Variants in TOR4A observed in about 807,000 individuals in gnomAD.
TOR4A encodes the protein torsin-4A.
Under a neutral mutation model 11.5 loss-of-function variants are expected in TOR4A, and 12 were observed. The observed-to-expected ratio is 1.04, with a 90% CI of 0.67 to 1.69. The LOEUF (loss-of-function observed/expected upper bound fraction) is 1.69, where lower values mean the gene tolerates loss of function less well. TOR4A is among the 40% of genes most tolerant of loss of function. The pLI, the probability that TOR4A is intolerant of heterozygous loss-of-function variation, is 0.00. For missense variants in TOR4A, 640 were observed against 643.2 expected, an observed-to-expected ratio of 0.99 and a Z score of 0.05; for synonymous variants, 362 against 307.4, an observed-to-expected ratio of 1.18 and a Z score of -1.86.
chr9:137,278,577 CG>C (rs1317691400), intron 1 of TOR4A, 75 bp from the exon 2 acceptor site: 5 of 1,069,198 alleles, frequency 4.7e-6, no homozygotes, highest in Non-Finnish European at 5.9e-6. Flanking sequence ...AAGATCACTC[CG>C]GGGACCGGTT....
Position 137,279,898 on chromosome 9 carries a change from G to C in TOR4A, c.1209G>C (p.Val403=), listed in dbSNP as rs376593506. The change falls in exon 2 of 2, where the codon GTG becomes GTC. Residue 403 remains valine, a synonymous_variant. Transcript: ENST00000357503. Reference sequence around the variant, plus strand: ...CCGCGCAGCTCAGCTTCTACCGCGTGGCTGGCCGCGAGTTTGCCGTCACCG... The same window carrying C: ...CCGCGCAGCTCAGCTTCTACCGCGTCGCTGGCCGCGAGTTTGCCGTCACCG... The part of the protein sequence containing the change: ...NLAAQLSFYR[V]AGREFAVTGC... 1.5e-4 allele frequency: 231 copies of C among 1,578,682 alleles called. No individual in the cohort carries two copies. Among genetic ancestry groups the C allele is most frequent in the Middle Eastern group, 5.0e-4 (3 of 6,052 alleles).
rs1830718189 is a variant in TOR4A at position 137,281,486 on chromosome 9, T to C, written c.*1525T>C. The C allele has an allele frequency of 6.1e-6, 1 of 162,844 alleles. No individual in the cohort carries two copies. 10.1% of individuals were successfully genotyped at this position (162,844 alleles called of 1,614,324 possible). A position where few individuals can be genotyped will look rare whatever the true frequency, so the allele number is the denominator to read the frequency against. Reference sequence around the variant, plus strand: ...CCCCGCCTCGCATCCATTCTCGCCCTGGTGGTTGGTGTCTGTGGTCGGGGG... The same window carrying C: ...CCCCGCCTCGCATCCATTCTCGCCCCGGTGGTTGGTGTCTGTGGTCGGGGG... On this transcript the variant is annotated 3_prime_UTR_variant, in exon 2 of 2. Transcript: ENST00000357503.
At position 137,279,310 on chromosome 9, in the gene TOR4A, G is replaced by A. The variant is rs1234763243; in HGVS notation, c.621G>A (p.Leu207=). ...GCAAGAGCCACGTGGGCCGCCTGCT[G>A]GCGCGCCACTTCCGCTCGGTGCTGG... ...GVGKSHVGRL[L]ARHFRSVLED... Residue 207 remains leucine, a synonymous_variant, in exon 2 of 2, where the codon CTG becomes CTA. Transcript: ENST00000357503. 4.6e-6 allele frequency: 7 copies of A among 1,534,396 alleles called. No homozygotes were observed. The African/African-American group carries it at 5.5e-5, about 12-fold the overall frequency.
At position 137,279,907 on chromosome 9, in the gene TOR4A, C is replaced by T. The variant is rs1281265663; in HGVS notation, c.1218C>T (p.Arg406=). Residue 406 remains arginine (R), a synonymous_variant, in exon 2 of 2, where the codon CGC becomes CGT. Transcript: ENST00000357503. ...TCAGCTTCTACCGCGTGGCTGGCCG[C>T]GAGTTTGCCGTCACCGGCTGCAAGC... is the stretch of plus-strand genomic sequence containing the variant. The part of the protein sequence containing the change: ...AQLSFYRVAG[R]EFAVTGCKQV... 2.5e-6 allele frequency: 4 copies of T among 1,578,884 alleles called. No individual in the cohort carries two copies. Among genetic ancestry groups the T allele is most frequent in the Admixed American group, 1.8e-5 (1 of 55,496 alleles).
At chr9:137,278,203 TG>T (rs199729252) in intron 1 of TOR4A, among the ~76,000 whole-genome samples, 159 of 152,272 alleles carry the variant, frequency 1.0e-3, no homozygotes, top group African/African-American at 3.7e-3. Context: ...TCTGAACTCC[TG>T]GGCGCTCAGG....
rs964164086 is a variant in TOR4A, at chr9:137,279,126, A to G, written c.437A>G (p.Gln146Arg). 1.8e-5 allele frequency: 28 copies of G among 1,588,894 alleles called. No individual in the cohort carries two copies. The highest frequency in any genetic ancestry group is 2.3e-5 in the Non-Finnish European group (27 of 1,168,082). Residue 146 changes from glutamine (Q) to arginine (R), a missense_variant, in exon 2 of 2, where the codon CAG becomes CGG. By Grantham distance (43) the Gln-to-Arg change is conservative. Coordinates refer to ENST00000357503, the MANE Select transcript of TOR4A (RefSeq NM_017723.3). ...ATCGAGAACCTGGACGATAACGCGCAGCGCTATGACCTCGACGGGCTGGAG... is the reference window on the plus strand; with the variant it reads ...ATCGAGAACCTGGACGATAACGCGCGGCGCTATGACCTCGACGGGCTGGAG... ...NAIENLDDNA[Q>R]RYDLDGLEKA...
In TOR4A at chr9:137,278,643, C is replaced by T. The variant is rs1830673940; in HGVS notation, c.-37-10C>T. Reference sequence around the variant, plus strand: ...GGAGTCCAGAGACCCTCCCCGTCTTCCCGTTGCAGGGAGGGCGACCTGTAT... The same window carrying T: ...GGAGTCCAGAGACCCTCCCCGTCTTTCCGTTGCAGGGAGGGCGACCTGTAT... On this transcript the variant is annotated splice_polypyrimidine_tract_variant and intron_variant, in intron 1 of 1. Transcript: ENST00000357503. The T allele has an allele frequency of 9.4e-6, 12 of 1,280,682 alleles. No homozygotes were observed. The highest frequency in any genetic ancestry group is 1.1e-5 in the Non-Finnish European group (11 of 1,012,776). The allele number at this position is 1,280,682 out of a possible 1,614,324, so 79.3% of individuals were successfully genotyped here.
chr9:137,279,004 C>CTCGCGCAAGTA lies in TOR4A; in HGVS notation c.319_329dup (p.Pro111AlafsTer20). ...GCCGCCTGGTGCTTTACCCGGAGACCTCGCGCAAGTATCGGCCGCGCGTGG... is the reference window on the plus strand; with the variant it reads ...GCCGCCTGGTGCTTTACCCGGAGACCTCGCGCAAGTATCGCGCAAGTATCGGCCGCGCGTGG... On this transcript the variant is annotated frameshift_variant, in exon 2 of 2. Transcript: ENST00000357503. LOFTEE classifies it high-confidence loss of function. The CTCGCGCAAGTA allele has an allele frequency of 6.2e-7, 1 of 1,606,758 alleles. No homozygotes were observed. Among genetic ancestry groups the CTCGCGCAAGTA allele is most frequent in the Non-Finnish European group, 8.5e-7 (1 of 1,177,502 alleles).
rs778539558 is a variant in TOR4A at position 137,279,874 on chromosome 9, C to A, written c.1185C>A (p.Ala395=). Residue 395 remains alanine (A), a synonymous_variant, in exon 2 of 2, where the codon GCC becomes GCA. Transcript: ENST00000357503. ...ACCAGGCCCGCGCGGAGAACCTGGC[C>A]GCGCAGCTCAGCTTCTACCGCGTGG... The part of the protein sequence containing the change: ...FPDQARAENL[A]AQLSFYRVAG... 6.3e-7 allele frequency: 1 copy of A among 1,583,682 alleles called. No individual in the cohort carries two copies. Among genetic ancestry groups the A allele is most frequent in the South Asian group, 1.1e-5 (1 of 87,430 alleles).
intron 1 of TOR4A, 86 bp from the exon 2 acceptor site, chr9:137,278,567 A>C: frequency 3.1e-6 from 3 of 964,946 alleles, no homozygotes; most frequent in Non-Finnish European, 4.0e-6. Context: ...CCCAGGGGGT[A>C]AGATCACTCC....
Position 137,279,268 on chromosome 9 carries a change from C to T in TOR4A, c.579C>T (p.His193=). ...VHSRPLLLAL[H]GPSGVGKSHV... Reference sequence around the variant, plus strand: ...GTCGTCCGCTCCTCCTGGCGCTGCACGGGCCCAGTGGCGTGGGCAAGAGCC... The same window carrying T: ...GTCGTCCGCTCCTCCTGGCGCTGCATGGGCCCAGTGGCGTGGGCAAGAGCC... The change falls in exon 2 of 2, where the codon CAC becomes CAT. Residue 193 remains histidine (H), a synonymous_variant. Transcript: ENST00000357503. 1 of 1,535,172 alleles carries T rather than the reference C, an allele frequency of 6.5e-7. No individual in the cohort carries two copies. Among genetic ancestry groups the T allele is most frequent in the Non-Finnish European group, 8.7e-7 (1 of 1,144,338 alleles).
At position 137,279,862 on chromosome 9, in the gene TOR4A, G is replaced by C; in HGVS notation, c.1173G>C (p.Ala391=). ...GCTTCTTTCCTGACCAGGCCCGCGC[G>C]GAGAACCTGGCCGCGCAGCTCAGCT... ...GEGFFPDQAR[A]ENLAAQLSFY... is the part of the protein sequence containing the mutation. The change falls in exon 2 of 2, where the codon GCG becomes GCC. Residue 391 remains alanine, a synonymous_variant. Transcript: ENST00000357503. 6.3e-7 allele frequency: 1 copy of C among 1,587,554 alleles called. No homozygotes were observed. The highest frequency in any genetic ancestry group is 8.5e-7 in the Non-Finnish European group (1 of 1,170,510).
Position 137,279,275 on chromosome 9 carries a change from A to T in TOR4A, c.586A>T (p.Ser196Cys), listed in dbSNP as rs1405218625. ...RPLLLALHGP[S>C]GVGKSHVGRL... ...GCTCCTCCTGGCGCTGCACGGGCCC[A>T]GTGGCGTGGGCAAGAGCCACGTGGG... Residue 196 changes from serine to cysteine, a missense_variant, in exon 2 of 2, where the codon AGT becomes TGT. By Grantham distance (112) the Ser-to-Cys change is moderately radical. Coordinates refer to ENST00000357503, the MANE Select transcript of TOR4A (RefSeq NM_017723.3). 1 of 1,535,146 alleles carries T rather than the reference A, an allele frequency of 6.5e-7. No homozygotes were observed. The highest frequency in any genetic ancestry group is 2.5e-5 in the East Asian group (1 of 40,812).
chr9:137,279,691 G>T lies in TOR4A; in HGVS notation c.1002G>T (p.Ala334=). The T allele has an allele frequency of 1.5e-5, 24 of 1,568,812 alleles. No individual in the cohort carries two copies. The highest frequency in any genetic ancestry group is 2.1e-5 in the Non-Finnish European group (24 of 1,163,080). The change falls in exon 2 of 2, where the codon GCG becomes GCT. Residue 334 remains alanine, a synonymous_variant. Transcript: ENST00000357503. ...TCCGCAGTGCCGAGGCCGCAGCGGC[G>T]CAGGCGGAAGAAGACCTGCGCGCCA... ...DGFRSAEAAA[A]QAEEDLRASL... is the part of the protein sequence containing the mutation.
chr9:137,282,624 T>A lies in TOR4A; in HGVS notation c.*2663T>A, dbSNP rs2119004771. The A allele has an allele frequency of 6.0e-6, 1 of 167,206 alleles. No individual in the cohort carries two copies. The highest frequency in any genetic ancestry group is 2.1e-4 in the South Asian group (1 of 4,830). The allele number at this position is 167,206 out of a possible 1,614,324, so 10.4% of individuals were successfully genotyped here. On this transcript the variant is annotated 3_prime_UTR_variant, in exon 2 of 2. Coordinates refer to ENST00000357503, the MANE Select transcript of TOR4A (RefSeq NM_017723.3). Reference sequence around the variant, plus strand: ...CCACAAATCATGCTTGTTAATAAATTGTGTGGTTCAAATCTGACGACCTAC... The same window carrying A: ...CCACAAATCATGCTTGTTAATAAATAGTGTGGTTCAAATCTGACGACCTAC...
rs759575458 is a variant in TOR4A, at chr9:137,278,846, G to A, written c.157G>A (p.Val53Ile). The change falls in exon 2 of 2, where the codon GTC becomes ATC. Residue 53 changes from valine (V) to isoleucine (I), a missense_variant. By Grantham distance (29) the Val-to-Ile change is conservative. Transcript: ENST00000357503. Reference sequence around the variant, plus strand: ...CCTGCAGCCGGGTGGGGGGCCCGACGTCGGGACCGGGGCGCCCAGGCCGGG... The same window carrying A: ...CCTGCAGCCGGGTGGGGGGCCCGACATCGGGACCGGGGCGCCCAGGCCGGG... Reference protein sequence around the residue: ...RLLQPGGGPDVGTGAPRPGCS... With the variant: ...RLLQPGGGPDIGTGAPRPGCS... 2.0e-6 allele frequency: 3 copies of A among 1,506,104 alleles called. No individual in the cohort carries two copies. Among genetic ancestry groups the A allele is most frequent in the Non-Finnish European group, 2.6e-6 (3 of 1,136,338 alleles). 93.3% of individuals were successfully genotyped at this position (1,506,104 alleles called of 1,614,324 possible). A position where few individuals can be genotyped will look rare whatever the true frequency, so the allele number is the denominator to read the frequency against.
In TOR4A at chr9:137,280,151, G is replaced by A. The variant is rs1304385031; in HGVS notation, c.*190G>A. The stretch of plus-strand genomic sequence containing the variant: ...GAGTCCGGAGTCTGTCCCTGGGGGC[G>A]GCAGGACAGCAGCCACCTCCCTCCC... On this transcript the variant is annotated 3_prime_UTR_variant, in exon 2 of 2. Transcript: ENST00000357503. The A allele has an allele frequency of 1.8e-5, 12 of 685,694 alleles. No homozygotes were observed. The highest frequency in any genetic ancestry group is 8.3e-5 in the South Asian group (4 of 48,280). 42.5% of individuals were successfully genotyped at this position (685,694 alleles called of 1,614,324 possible).
At chr9:137,278,476 G>A (rs911335088) in intron 1 of TOR4A, among the ~76,000 whole-genome samples, 177 bp from the exon 2 acceptor site, 4 of 152,018 alleles carry the variant, frequency 2.6e-5, no homozygotes, top group South Asian at 2.1e-4. Flanking sequence ...GAGGGGCGGA[G>A]GGGTCGCTTG....
chr9:137,279,437 G>T lies in TOR4A; in HGVS notation c.748G>T (p.Val250Leu), dbSNP rs756370946. 1.3e-6 allele frequency: 2 copies of T among 1,537,140 alleles called. No individual in the cohort carries two copies. Among genetic ancestry groups the T allele is most frequent in the Admixed American group, 2.0e-5 (1 of 50,774 alleles). Residue 250 changes from valine to leucine, a missense_variant, in exon 2 of 2, where the codon GTG becomes TTG. Physicochemically the swap from Val to Leu is conservative, Grantham distance 32. Coordinates refer to ENST00000357503, the MANE Select transcript of TOR4A (RefSeq NM_017723.3). ...REELARRVAD[V>L]VARAEAEEKT... ...GGAGCTGGCGCGGCGCGTGGCCGAC[G>T]TGGTGGCGCGGGCCGAAGCGGAGGA...
Sources: allele counts gnomAD v4.1 joint callset (sites outside exome capture counted in the v4.1 genomes callset), GRCh38; gene constraint gnomAD v4.1.1; transcripts MANE v1.5; gene names NCBI Gene and HGNC (gene_info 2026-07-23, HGNC 2026-07-21).